The following NRXN1 variants were observed in gnomAD, a reference collection of about 807,000 sequenced individuals.
The protein encoded by NRXN1 is neurexin 1.
Under a neutral mutation model 150.9 loss-of-function variants are expected in NRXN1, and 39 were observed. That is an observed-to-expected ratio of 0.26 (90% confidence interval 0.20 to 0.34). The LOEUF (loss-of-function observed/expected upper bound fraction) is 0.34, where lower values mean the gene tolerates loss of function less well. Among genes scored for constraint, NRXN1 ranks in the 10% least tolerant of loss-of-function variants. NRXN1 has a pLI of 1.00. For synonymous variants in NRXN1, 924 were observed against 757.0 expected, an observed-to-expected ratio of 1.22 and a Z score of -3.62; for missense variants, 1,815 against 1,949.9, an observed-to-expected ratio of 0.93 and a Z score of 1.30.
intron 19 of NRXN1, among the ~76,000 whole-genome samples, chr2:50,074,712 A>C (rs1337939111): frequency 1.3e-5 from 2 of 152,216 alleles, no homozygotes; most frequent in African/African-American, 4.8e-5. Context: ...AACAGAGTCT[A>C]AAAGTTACCA....
chr2:50,141,526 G>C (rs776420451), intron 18 of NRXN1, among the ~76,000 whole-genome samples: 1 of 151,928 alleles, frequency 6.6e-6, no homozygotes, highest in Non-Finnish European at 1.5e-5. Flanking sequence ...GAGACAACCT[G>C]CTGAATGGAA....
chr2:50,488,598 T>C (rs1454708734), intron 15 of NRXN1, among the ~76,000 whole-genome samples: 1 of 152,140 alleles, frequency 6.6e-6, no homozygotes, highest in African/African-American at 2.4e-5. Context: ...AGCATTGATC[T>C]TTCTCTGTTC....
chr2:50,371,868 A>G (rs945933451), intron 17 of NRXN1, among the ~76,000 whole-genome samples: 3 of 152,054 alleles, frequency 2.0e-5, no homozygotes, highest in Non-Finnish European at 4.4e-5. Context: ...AATAACTCTG[A>G]TGGATAGCAT....
At chr2:50,983,390 C>T (rs1433021225) in intron 2 of NRXN1, among the ~76,000 whole-genome samples, 1 of 152,024 alleles carries the variant, frequency 6.6e-6, no homozygotes, top group African/African-American at 2.4e-5. Flanking sequence ...GTGTTTCATC[C>T]CTATTTCAAT....
chr2:50,922,532 G>C, intron 4 of NRXN1, 126 bp downstream of exon 4: 2 of 892,266 alleles, frequency 2.2e-6, no homozygotes, highest in Non-Finnish European at 3.7e-6. Context: ...GTGAACAAAA[G>C]ATATGTATTT....
At chr2:50,980,539 T>G (rs1390852365) in intron 2 of NRXN1, among the ~76,000 whole-genome samples, 1 of 152,142 alleles carries the variant, frequency 6.6e-6, no homozygotes, top group African/African-American at 2.4e-5. Flanking sequence ...TAATTAGGAA[T>G]AGTAGTGATA....
chr2:50,704,471 G>T (rs1694169857), intron 5 of NRXN1, among the ~76,000 whole-genome samples: 1 of 151,758 alleles, frequency 6.6e-6, no homozygotes, highest in Non-Finnish European at 1.5e-5. Flanking sequence ...ATTTAAAAGA[G>T]AGTTACTTTT....
At chr2:50,479,079 C>A (rs1312316661) in intron 15 of NRXN1, among the ~76,000 whole-genome samples, 1 of 152,196 alleles carries the variant, frequency 6.6e-6, no homozygotes, top group East Asian at 1.9e-4. Flanking sequence ...TAAATTAAGT[C>A]TAAGGCTCAG....
chr2:50,472,254 G>A, intron 16 of NRXN1, 44 bp downstream of exon 16: 2 of 1,457,068 alleles, frequency 1.4e-6, no homozygotes, highest in South Asian at 1.6e-5. Flanking sequence ...AGTTAGACAG[G>A]TGGAATTAGA....
intron 17 of NRXN1, among the ~76,000 whole-genome samples, chr2:50,362,769 G>T (rs1224656815): frequency 6.6e-6 from 1 of 151,974 alleles, no homozygotes. Flanking sequence ...GAATAAAAAA[G>T]TACCCCGTAC....
intron 17 of NRXN1, among the ~76,000 whole-genome samples, chr2:50,358,565 A>G (rs533289699): frequency 4.6e-5 from 7 of 152,362 alleles, no homozygotes; most frequent in African/African-American, 1.7e-4. Flanking sequence ...CTCTGAAAAA[A>G]AGACAGCAGC....
intron 21 of NRXN1, among the ~76,000 whole-genome samples, chr2:49,947,979 G>T (rs1300538444): frequency 1.3e-5 from 2 of 151,826 alleles, no homozygotes; most frequent in Non-Finnish European, 2.9e-5. Context: ...TATAATTATA[G>T]ATATTAAACC....
intron 2 of NRXN1, among the ~76,000 whole-genome samples, chr2:51,004,274 A>C (rs569670403): frequency 6.6e-6 from 1 of 152,060 alleles, no homozygotes; most frequent in African/African-American, 2.4e-5. Context: ...GTGAGAAAAT[A>C]AAGAAAATGT....
intron 2 of NRXN1, among the ~76,000 whole-genome samples, chr2:50,928,940 A>G (rs182156942): frequency 8.1e-4 from 123 of 152,186 alleles, no homozygotes; most frequent in African/African-American, 2.8e-3. Context: ...TTCATTGGAA[A>G]AATAATGAAT....
At chr2:50,452,439 TATA>T (rs2087062177) in intron 17 of NRXN1, among the ~76,000 whole-genome samples, 1 of 152,196 alleles carries the variant, frequency 6.6e-6, no homozygotes, top group African/African-American at 2.4e-5. Flanking sequence ...TCCCTCATTT[TATA>T]ATGAGGAAAC....
intron 9 of NRXN1, among the ~76,000 whole-genome samples, chr2:50,552,282 A>C (rs1175628433): frequency 6.6e-6 from 1 of 152,108 alleles, no homozygotes; most frequent in Admixed American, 6.5e-5. Context: ...AAAACTTTGA[A>C]TTTTTTCACT....
chr2:50,838,274 T>C (rs1467606673), intron 5 of NRXN1, among the ~76,000 whole-genome samples: 2 of 152,154 alleles, frequency 1.3e-5, no homozygotes, highest in Admixed American at 1.3e-4. Context: ...CTGTTTCCCA[T>C]AATGAAATCA....
chr2:50,944,026 T>A (rs894121626), intron 2 of NRXN1, among the ~76,000 whole-genome samples: 3 of 152,172 alleles, frequency 2.0e-5, no homozygotes, highest in Non-Finnish European at 4.4e-5. Context: ...CAAAATTGGC[T>A]TCAGCACTCA....
At chr2:50,252,735 T>A (rs1434126038) in intron 17 of NRXN1, among the ~76,000 whole-genome samples, 1 of 152,134 alleles carries the variant, frequency 6.6e-6, no homozygotes, top group Admixed American at 6.6e-5. Flanking sequence ...GTTGTAGATG[T>A]GCAGTCTTAT....
Sources: gnomAD v4.1 joint callset for allele counts (sites outside exome capture counted in the v4.1 genomes callset) on GRCh38, gnomAD v4.1.1 for gene constraint, MANE v1.5 for transcripts, NCBI Gene and HGNC (gene_info 2026-07-23, HGNC 2026-07-21) for gene names.